Variants in CAPN14 observed in about 807,000 individuals in gnomAD.
CAPN14 encodes the protein calpain 14, also known as calpain-14.
In CAPN14, 94 loss-of-function variants were observed where a neutral mutation model predicts 101.3. That is an observed-to-expected ratio of 0.93 (90% CI 0.79 to 1.10). The LOEUF is 1.10. CAPN14 is among the 50% of genes least tolerant of loss of function. The pLI, the probability that CAPN14 is intolerant of heterozygous loss-of-function variation, is 0.00. For missense variants in CAPN14, 837 were observed against 828.4 expected (o/e 1.01, Z -0.13); for synonymous variants, 338 against 317.9 (o/e 1.06, Z -0.67).
intron 17 of CAPN14, 60 bp from the exon 18 acceptor site, chr2:31,178,639 G>T: frequency 8.9e-7 from 1 of 1,120,158 alleles, no homozygotes; most frequent in Non-Finnish European, 1.2e-6. Context: ...TTTGGAGGCA[G>T]TGATCAGCCC....
At chr2:31,229,717 A>T (rs1267862445) in intron 1 of CAPN14, among the ~76,000 whole-genome samples, 1 of 151,818 alleles carries the variant, frequency 6.6e-6, no homozygotes, top group Non-Finnish European at 1.5e-5. Context: ...AAAAAGAAAG[A>T]AAACAGTGTA....
At chr2:31,210,052 G>A (rs1029886173) in intron 1 of CAPN14, among the ~76,000 whole-genome samples, 1 of 152,174 alleles carries the variant, frequency 6.6e-6, no homozygotes, top group Non-Finnish European at 1.5e-5. Context: ...CTTTACAAAG[G>A]GTGGTCTTAC....
intron 10 of CAPN14, among the ~76,000 whole-genome samples, chr2:31,192,730 T>C (rs996478628): frequency 3.3e-5 from 5 of 152,160 alleles, no homozygotes; most frequent in African/African-American, 9.7e-5. Flanking sequence ...AAAGACCAGA[T>C]ACAATTTCTA....
chr2:31,191,541 G>A, intron 11 of CAPN14, 134 bp from the exon 12 acceptor site: 1 of 806,160 alleles, frequency 1.2e-6, no homozygotes. Flanking sequence ...CAGAAGCCGT[G>A]TCCCCTCCCA....
chr2:31,205,195 G>C, intron 2 of CAPN14, 28 bp downstream of exon 2: 1 of 1,541,026 alleles, frequency 6.5e-7, no homozygotes, highest in Non-Finnish European at 8.8e-7. Flanking sequence ...TGGGGAAGGA[G>C]GGTCTGGGCT....
At position 31,174,562 on chromosome 2, in the gene CAPN14, C is replaced by T. The variant is rs560263808; in HGVS notation, c.*119G>A. 9 of 1,042,308 alleles carry T rather than the reference C, an allele frequency of 8.6e-6. No individual in the cohort carries two copies. The highest frequency in any genetic ancestry group is 1.6e-5 in the African/African-American group (1 of 63,012). The allele number at this position is 1,042,308 out of a possible 1,614,324, so 64.6% of individuals were successfully genotyped here. A position where few individuals can be genotyped will look rare whatever the true frequency, so the allele number is the denominator to read the frequency against. ...GAAACCTTCCCAGCTGAGAAGGTGA[C>T]GGCTAGTGAGGCTGTCCTGAAGATC... On this transcript the variant is annotated 3_prime_UTR_variant, in exon 22 of 22. Transcript: ENST00000403897.
chr2:31,217,995 G>A (rs1290535900), upstream of CAPN14, among the ~76,000 whole-genome samples: 1 of 152,140 alleles, frequency 6.6e-6, no homozygotes, highest in Admixed American at 6.5e-5. Flanking sequence ...CCTCAGGGAT[G>A]TTTCCTGCTA....
chr2:31,208,184 A>C lies in CAPN14; in HGVS notation c.-52-2685T>G, dbSNP rs1402826409. 2.6e-5 allele frequency among the ~76,000 whole-genome samples: 4 copies of C among 151,646 alleles called. No homozygotes were observed. In the South Asian group the frequency reaches 6.3e-4, roughly 24 times the overall value. ...CTCCAAAAAAAAACTCCAAAAAAAA[A>C]CTGGAGTTTTTTTCCCTAATGTGGA... On this transcript the variant is annotated intron_variant, in intron 1 of 21. Coordinates refer to ENST00000403897, the MANE Select transcript of CAPN14 (RefSeq NM_001145122.2).
chr2:31,188,232 CCT>C (rs1431903926), intron 14 of CAPN14, 84 bp downstream of exon 14: 3 of 1,189,474 alleles, frequency 2.5e-6, no homozygotes, highest in South Asian at 2.6e-5. Flanking sequence ...TATCTCCTCC[CCT>C]GACTCCTTAA....
chr2:31,189,418 G>T lies in CAPN14; in HGVS notation c.1348C>A (p.Gln450Lys), dbSNP rs763923309. ...TTCTCCTTGAGAAACCTATCAGGCT[G>T]GCTCAGAGGAGTGTTTCTCTGGAAG... ...EFFQRNTPLS[Q>K]PDRFLKEKEV... The change falls in exon 13 of 22, where the codon CAG becomes AAG. Residue 450 changes from glutamine (Q) to lysine (K), a missense_variant. By Grantham distance (53) the Gln-to-Lys change is moderately conservative (BLOSUM62 1). Transcript: ENST00000403897. The T allele has an allele frequency of 4.5e-6, 7 of 1,551,602 alleles. No homozygotes were observed. Among genetic ancestry groups the T allele is most frequent in the Admixed American group, 2.0e-5 (1 of 50,986 alleles).
chr2:31,196,024 A>G (rs572516580), intron 8 of CAPN14, among the ~76,000 whole-genome samples: 2 of 152,330 alleles, frequency 1.3e-5, no homozygotes, highest in South Asian at 4.1e-4. Context: ...GCTATTATAA[A>G]AGTGCCGCAT....
rs1454728550 is a variant in CAPN14 at position 31,173,446 on chromosome 2, G to A, written c.*1235C>T. ...CTGCTATGGAGTTGGAAATCAAACA[G>A]CCATGTTTGTTAGAATTGTTTGTAA... On this transcript the variant is annotated 3_prime_UTR_variant, in exon 22 of 22. Coordinates refer to ENST00000403897, the MANE Select transcript of CAPN14 (RefSeq NM_001145122.2). 6.6e-6 allele frequency: 1 copy of A among 152,090 alleles called. No homozygotes were observed. The highest frequency in any genetic ancestry group is 1.9e-4 in the East Asian group (1 of 5,190). 9.4% of individuals were successfully genotyped at this position (152,090 alleles called of 1,614,324 possible). A position where few individuals can be genotyped will look rare whatever the true frequency, so the allele number is the denominator to read the frequency against.
intron 8 of CAPN14, among the ~76,000 whole-genome samples, chr2:31,196,122 A>G (rs1458328356): frequency 1.3e-5 from 2 of 152,250 alleles, no homozygotes; most frequent in Non-Finnish European, 2.9e-5. Context: ...TTGAAAACAT[A>G]ATATTTAAAA....
chr2:31,181,868 C>A (rs1369478399), intron 16 of CAPN14, among the ~76,000 whole-genome samples: 1 of 151,102 alleles, frequency 6.6e-6, no homozygotes. Flanking sequence ...TTTTTTATGG[C>A]TGCATAGTAT....
chr2:31,219,807 C>T (rs538587630), upstream of CAPN14, among the ~76,000 whole-genome samples: 18 of 152,306 alleles, frequency 1.2e-4, no homozygotes, highest in South Asian at 3.7e-3. Context: ...CACAGTTGTG[C>T]TCGTCATCTC....
intron 7 of CAPN14, among the ~76,000 whole-genome samples, chr2:31,198,867 T>C (rs1160724657): frequency 1.3e-5 from 2 of 152,128 alleles, no homozygotes; most frequent in African/African-American, 4.8e-5. Flanking sequence ...CAACATCACC[T>C]CCTCTGTAAG....
intron 1 of CAPN14, among the ~76,000 whole-genome samples, chr2:31,232,910 A>T (rs777295629): frequency 6.6e-5 from 10 of 152,102 alleles, no homozygotes; most frequent in Non-Finnish European, 1.2e-4. Context: ...GGGTAGTGGG[A>T]GTCATTAGCC....
chr2:31,176,882 ACTTG>A (rs1680321680), intron 20 of CAPN14, 140 bp downstream of exon 20: 1 of 700,668 alleles, frequency 1.4e-6, no homozygotes, highest in Non-Finnish European at 2.5e-6. Flanking sequence ...GTTCACAGGC[ACTTG>A]GCTGGAGGTC....
At chr2:31,208,987 A>G (rs984981928) in intron 1 of CAPN14, among the ~76,000 whole-genome samples, 1 of 151,994 alleles carries the variant, frequency 6.6e-6, no homozygotes, top group Non-Finnish European at 1.5e-5. Context: ...ATTTTTTATT[A>G]GAGACAGGGT....
Sources: gnomAD v4.1 joint callset for allele counts (sites outside exome capture counted in the v4.1 genomes callset) on GRCh38, gnomAD v4.1.1 for gene constraint, MANE v1.5 for transcripts, NCBI Gene and HGNC (gene_info 2026-07-23, HGNC 2026-07-21) for gene names.